GNAI1: variants seen among roughly 807,000 people sequenced by gnomAD.
GNAI1 encodes guanine nucleotide-binding protein G(i) subunit alpha-1.
In GNAI1, 11 loss-of-function variants were observed where a neutral mutation model predicts 38.9. The observed-to-expected ratio is 0.28, with a 90% CI of 0.18 to 0.47. The LOEUF is 0.47. Among genes scored for constraint, GNAI1 ranks in the 20% least tolerant of loss-of-function variants. The pLI is 0.99. For synonymous variants in GNAI1, 166 were observed against 145.1 expected (o/e 1.14, Z -1.04); for missense variants, 317 against 436.9 (o/e 0.73, Z 2.45).
rs1417588931 is a variant in GNAI1 at position 80,225,827 on chromosome 7, C to G, written c.*8334C>G. 1.3e-5 allele frequency among the ~76,000 whole-genome samples: 2 copies of G among 152,074 alleles called. No homozygotes were observed. Among genetic ancestry groups the G allele is most frequent in the African/African-American group, 4.8e-5 (2 of 41,394 alleles). ...AGTTCATTAGTTTAATGGGATCGAT[C>G]TGAGAAAAATTAGATTTATGTGCAG... On this transcript the variant is annotated 3_prime_UTR_variant, in exon 8 of 8. Coordinates refer to ENST00000649796, the MANE Select transcript of GNAI1 (RefSeq NM_002069.6).
At chr7:80,144,466 C>G (rs1787582843) in intron 1 of GNAI1, among the ~76,000 whole-genome samples, 1 of 152,096 alleles carries the variant, frequency 6.6e-6, no homozygotes, top group South Asian at 2.1e-4. Flanking sequence ...AATAGAGAAA[C>G]AGTGAATTGT....
At chr7:80,143,927 C>CACGTGT (rs1554346290) in intron 1 of GNAI1, among the ~76,000 whole-genome samples, 6 of 151,422 alleles carry the variant, frequency 4.0e-5, no homozygotes, top group African/African-American at 1.2e-4. Flanking sequence ...TGTGTGCGCG[C>CACGTGT]GTGTGTGTAT....
At chr7:80,162,348 C>G (rs185669466) in intron 1 of GNAI1, among the ~76,000 whole-genome samples, 2 of 152,224 alleles carry the variant, frequency 1.3e-5, no homozygotes, top group Admixed American at 1.3e-4. Context: ...GGTAGTTAGC[C>G]TGGTCTTTAA....
At chr7:80,217,184 G>T in intron 7 of GNAI1, 119 bp from the exon 8 acceptor site, 1 of 552,018 alleles carries the variant, frequency 1.8e-6, no homozygotes, top group South Asian at 3.2e-5. Flanking sequence ...CAGTTAAGGA[G>T]TCCATGAATG....
rs796509056 is a variant in GNAI1, at chr7:80,143,904, ATG to A, written c.118+8643_118+8644del. Among the ~76,000 whole-genome samples the A allele has an allele frequency of 5.4e-3, 414 of 76,266 alleles. 7 individuals carry two copies. The highest frequency in any genetic ancestry group is 0.015 in the African/African-American group (387 of 26,086). The allele number at this position is 76,266 out of a possible 152,430, so 50.0% of individuals were successfully genotyped here. A position where few individuals can be genotyped will look rare whatever the true frequency, so the allele number is the denominator to read the frequency against. On this transcript the variant is annotated intron_variant, in intron 1 of 7. Coordinates refer to ENST00000649796, the MANE Select transcript of GNAI1 (RefSeq NM_002069.6). ...TTTTTATTGGCTTTTCTTAGCAAGG[ATG>A]TGTGTGTGTGTGTGTGCGCGCGTGT...
intron 1 of GNAI1, among the ~76,000 whole-genome samples, chr7:80,165,898 GTTACTT>G (rs1788003525): frequency 1.3e-5 from 2 of 151,950 alleles, no homozygotes; most frequent in African/African-American, 2.4e-5. Context: ...TTTGATCTTT[GTTACTT>G]TTACTTCGTT....
intron 3 of GNAI1, among the ~76,000 whole-genome samples, chr7:80,191,196 G>A (rs1052588622): frequency 6.6e-6 from 1 of 151,762 alleles, no homozygotes; most frequent in Admixed American, 6.6e-5. Context: ...CGTGTTTTGT[G>A]TTACCTATCT....
chr7:80,148,024 T>C (rs554919565), intron 1 of GNAI1, among the ~76,000 whole-genome samples: 234 of 152,272 alleles, frequency 1.5e-3, no homozygotes, highest in African/African-American at 5.0e-3. Context: ...TTTGTTGCTG[T>C]TGTTGTTGTT....
chr7:80,147,440 C>A (rs1447245638), intron 1 of GNAI1, among the ~76,000 whole-genome samples: 1 of 151,328 alleles, frequency 6.6e-6, no homozygotes, highest in East Asian at 2.0e-4. Context: ...TGAGACATAA[C>A]TCAGTGAGGG....
chr7:80,159,705 C>A (rs1049467561), intron 1 of GNAI1, among the ~76,000 whole-genome samples: 7 of 152,232 alleles, frequency 4.6e-5, no homozygotes, highest in Admixed American at 1.3e-4. Flanking sequence ...GCGGTTCTCT[C>A]CAGGTAGATA....
At chr7:80,150,618 A>ATG (rs779811708) in intron 1 of GNAI1, among the ~76,000 whole-genome samples, 24 of 152,198 alleles carry the variant, frequency 1.6e-4, no homozygotes, top group Non-Finnish European at 2.9e-4. Flanking sequence ...GATCAGGAGG[A>ATG]TGCATCCAGG....
intron 1 of GNAI1, among the ~76,000 whole-genome samples, chr7:80,157,543 C>T (rs775156087): frequency 4.6e-5 from 7 of 152,116 alleles, no homozygotes; most frequent in Non-Finnish European, 8.8e-5. Flanking sequence ...AGAGACTGTA[C>T]CATTTTGCAC....
At chr7:80,217,246 T>TATGTATGAAACTGTA in intron 7 of GNAI1, 57 bp from the exon 8 acceptor site, 1 of 1,152,028 alleles carries the variant, frequency 8.7e-7, no homozygotes, top group Non-Finnish European at 1.2e-6. Context: ...GAATTCAGTA[T>TATGTATGAAACTGTA]TTTAAGCAGT....
chr7:80,163,789 T>G (rs1027514224), intron 1 of GNAI1, among the ~76,000 whole-genome samples: 3 of 152,164 alleles, frequency 2.0e-5, no homozygotes, highest in African/African-American at 7.2e-5. Flanking sequence ...AGGCCAGCCT[T>G]GTATTCTTGT....
intron 1 of GNAI1, among the ~76,000 whole-genome samples, chr7:80,138,621 GTAAC>G (rs1562819985): frequency 6.6e-6 from 1 of 152,048 alleles, no homozygotes; most frequent in Non-Finnish European, 1.5e-5. Flanking sequence ...ATTTCGGTAG[GTAAC>G]TATAGTATAC....
chr7:80,206,737 A>G (rs1584051192), intron 5 of GNAI1, among the ~76,000 whole-genome samples: 1 of 152,148 alleles, frequency 6.6e-6, no homozygotes, highest in East Asian at 1.9e-4. Flanking sequence ...CCCCCCATAT[A>G]TGCTTGAAAC....
Position 80,212,742 on chromosome 7 carries a change from G to C in GNAI1, c.747G>C (p.Leu249Phe). 6.5e-7 allele frequency: 1 copy of C among 1,543,376 alleles called. No homozygotes were observed. The highest frequency in any genetic ancestry group is 8.7e-7 in the Non-Finnish European group (1 of 1,152,778). Residue 249 changes from leucine (L) to phenylalanine (F), a missense_variant, in exon 7 of 8, where the codon TTG (leucine) becomes TTC (phenylalanine). Leu to Phe is a conservative substitution (Grantham distance 22). Around this residue, in one of 5 missense-constraint regions of GNAI1, gnomAD observed 158 missense variants for 234.7 expected, o/e 0.67. Transcript: ENST00000649796. The stretch of plus-strand genomic sequence containing the variant: ...ACCGAATGCATGAAAGCATGAAATT[G>C]TTTGACAGCATATGTAACAACAAGT... ...EMNRMHESMK[L>F]FDSICNNKWF...
In GNAI1 at chr7:80,219,956, T is replaced by C. The variant is rs1301430682; in HGVS notation, c.*2463T>C. Among the ~76,000 whole-genome samples the C allele has an allele frequency of 6.6e-6, 1 of 152,180 alleles. No individual in the cohort carries two copies. The stretch of plus-strand genomic sequence containing the variant: ...CCTTTCTATTCCTACTACTACCTAT[T>C]CAAGTCTTTGCTAAACTTCCTCTTA... On this transcript the variant is annotated 3_prime_UTR_variant, in exon 8 of 8. Transcript: ENST00000649796.
At chr7:80,143,385 G>T (rs1787560857) in intron 1 of GNAI1, among the ~76,000 whole-genome samples, 1 of 152,056 alleles carries the variant, frequency 6.6e-6, no homozygotes, top group African/African-American at 2.4e-5. Context: ...ATATTACTTT[G>T]GTTATAAATC....
Sources: allele counts gnomAD v4.1 joint callset (sites outside exome capture counted in the v4.1 genomes callset), GRCh38; gene constraint gnomAD v4.1.1; regional missense constraint gnomAD v4.1.1; transcripts MANE v1.5; gene names NCBI Gene and HGNC (gene_info 2026-07-23, HGNC 2026-07-21).